Variants in SLC9A8 observed in about 807,000 individuals in gnomAD.
SLC9A8 encodes sodium/hydrogen exchanger 8.
In SLC9A8, 48 loss-of-function variants were observed where a neutral mutation model predicts 66.6. That is an observed-to-expected ratio of 0.72 (90% CI 0.57 to 0.92). The LOEUF (loss-of-function observed/expected upper bound fraction) is 0.92, where lower values mean the gene tolerates loss of function less well. SLC9A8 is among the 40% of genes least tolerant of loss of function. SLC9A8 has a pLI of 0.00. For missense variants in SLC9A8, 599 were observed against 747.3 expected (o/e 0.80, Z 2.31); for synonymous variants, 274 against 282.6 (o/e 0.97, Z 0.31).
intron 3 of SLC9A8, among the ~76,000 whole-genome samples, chr20:49,828,352 G>A (rs900961351): frequency 6.6e-6 from 1 of 151,496 alleles, no homozygotes; most frequent in Admixed American, 6.6e-5. Context: ...AAAATGCTGG[G>A]ATTACAGGCG....
At chr20:49,869,169 T>C (rs1692911957) in intron 10 of SLC9A8, among the ~76,000 whole-genome samples, 1 of 152,148 alleles carries the variant, frequency 6.6e-6, no homozygotes, top group African/African-American at 2.4e-5. Flanking sequence ...GAGGGGACTT[T>C]GGGCTTGAAG....
chr20:49,815,406 A>T (rs1020179757), intron 2 of SLC9A8: 4 of 400,810 alleles, frequency 1.0e-5, no homozygotes, highest in African/African-American at 8.3e-5. Flanking sequence ...AGAGCTGTTG[A>T]TGTAATATCT....
chr20:49,832,290 G>C (rs956942631), intron 3 of SLC9A8, among the ~76,000 whole-genome samples: 5 of 152,174 alleles, frequency 3.3e-5, no homozygotes, highest in African/African-American at 1.2e-4. Context: ...ACTCCAGCCA[G>C]CATCATGGTC....
intron 11 of SLC9A8, among the ~76,000 whole-genome samples, chr20:49,875,217 G>A (rs1313001046): frequency 6.6e-6 from 1 of 151,338 alleles, no homozygotes; most frequent in Non-Finnish European, 1.5e-5. Context: ...CAGCTGCTTG[G>A]GAGACTGAGA....
chr20:49,884,199 GACACACAC>G lies in SLC9A8; in HGVS notation c.1491+168_1491+175del, dbSNP rs370760616. On this transcript the variant is annotated intron_variant, in intron 14 of 15. Transcript: ENST00000361573. ...GGATGCCCAGCACCTCCACACACAC[GACACACAC>G]ACACACACACACACACACACACACA... The G allele has an allele frequency of 6.1e-3, 1,760 of 288,164 alleles. 11 individuals carry two copies. The highest frequency in any genetic ancestry group is 9.2e-3 in the South Asian group (381 of 41,460). The allele number at this position is 288,164 out of a possible 1,614,324, so 17.9% of individuals were successfully genotyped here.
At chr20:49,834,171 CTCTCTCTCTCTCTCTATATATA>C (rs1471327488) in intron 3 of SLC9A8, among the ~76,000 whole-genome samples, 29 of 58,914 alleles carry the variant, frequency 4.9e-4, no homozygotes, top group African/African-American at 1.3e-3. Context: ...CTCTCTCTCT[CTCTCTCTCTCTCTCTATATATA>C]TATATATATA....
rs1353248639 is a variant in SLC9A8 at position 49,872,508 on chromosome 20, CAG to C, written c.959-2194_959-2193del. ...TTTGTTTGTTTGTTTGTTTTTGAGA[CAG>C]AGTCTTGCTCTGTCACCCAGGCTGG... On this transcript the variant is annotated intron_variant, in intron 10 of 15. Coordinates refer to ENST00000361573, the MANE Select transcript of SLC9A8 (RefSeq NM_015266.3). Among the ~76,000 whole-genome samples, 21 of 148,492 alleles carry C rather than the reference CAG, an allele frequency of 1.4e-4. No homozygotes were observed. The East Asian group carries it at 2.8e-3, about 20-fold the overall frequency.
chr20:49,827,368 C>T (rs983397517), intron 3 of SLC9A8, among the ~76,000 whole-genome samples: 2 of 150,908 alleles, frequency 1.3e-5, no homozygotes, highest in South Asian at 2.1e-4. Context: ...TTTGGGAGGC[C>T]GAGGCGGGCA....
chr20:49,836,961 T>C (rs1362891932), intron 3 of SLC9A8, among the ~76,000 whole-genome samples: 1 of 152,230 alleles, frequency 6.6e-6, no homozygotes, highest in Non-Finnish European at 1.5e-5. Flanking sequence ...CCTCCCATTC[T>C]ATTTCTAAAA....
intron 7 of SLC9A8, among the ~76,000 whole-genome samples, chr20:49,853,682 G>A (rs2146629509): frequency 6.6e-6 from 1 of 152,262 alleles, no homozygotes; most frequent in Admixed American, 6.5e-5. Flanking sequence ...CCTTCTGCAA[G>A]TGTCTCTGGG....
intron 14 of SLC9A8, among the ~76,000 whole-genome samples, chr20:49,884,739 G>T (rs1197955344): frequency 6.6e-6 from 1 of 152,120 alleles, no homozygotes; most frequent in Non-Finnish European, 1.5e-5. Context: ...CCCAGCTGTA[G>T]GGAGAGCTGA....
Position 49,863,018 on chromosome 20 carries a change from T to C in SLC9A8, c.803T>C (p.Phe268Ser), listed in dbSNP as rs1378163648. Residue 268 changes from phenylalanine to serine, a missense_variant, in exon 9 of 16, where the codon TTC becomes TCC. Coordinates refer to ENST00000361573, the MANE Select transcript of SLC9A8 (RefSeq NM_015266.3). ...GCCCTTGACTACTTCCTCAAAATGTTCTTTGGCTCTGCAGCGCTCGGCACT... is the reference window on the plus strand; with the variant it reads ...GCCCTTGACTACTTCCTCAAAATGTCCTTTGGCTCTGCAGCGCTCGGCACT... The part of the protein sequence containing the change: ...LQALDYFLKM[F>S]FGSAALGTLT... 1.6e-5 allele frequency: 26 copies of C among 1,614,076 alleles called. No homozygotes were observed. The highest frequency in any genetic ancestry group is 2.1e-5 in the Non-Finnish European group (25 of 1,179,916).
intron 2 of SLC9A8, among the ~76,000 whole-genome samples, chr20:49,820,407 A>G (rs2086691163): frequency 6.6e-6 from 1 of 151,940 alleles, no homozygotes; most frequent in South Asian, 2.1e-4. Context: ...GAGGCACTAG[A>G]ATCATTTGAA....
In SLC9A8 at chr20:49,888,247, A is replaced by ACC; in HGVS notation, c.*317_*318dup. The ACC allele has an allele frequency of 6.6e-6, 2 of 302,176 alleles. No homozygotes were observed. The highest frequency in any genetic ancestry group is 3.0e-5 in the South Asian group (1 of 33,530). 18.7% of individuals were successfully genotyped at this position (302,176 alleles called of 1,614,324 possible). ...AGTCATCTGTGAAGCTAGGGCGCCT[A>ACC]CCCCCCCACCCGGAGGACCCCTGCG... On this transcript the variant is annotated 3_prime_UTR_variant, in exon 16 of 16. Coordinates refer to ENST00000361573, the MANE Select transcript of SLC9A8 (RefSeq NM_015266.3).
intron 6 of SLC9A8, 123 bp downstream of exon 6, chr20:49,849,803 T>A (rs1380965678): frequency 2.7e-6 from 2 of 749,814 alleles, no homozygotes; most frequent in Non-Finnish European, 4.5e-6. Flanking sequence ...GTAAATTCCT[T>A]CTGGAAGGAA....
At chr20:49,822,422 CA>C (rs772388886) in intron 2 of SLC9A8, among the ~76,000 whole-genome samples, 2 of 152,064 alleles carry the variant, frequency 1.3e-5, no homozygotes, top group Admixed American at 6.6e-5. Flanking sequence ...AGTTGAAGAC[CA>C]TTTCTCAGAA....
intron 8 of SLC9A8, among the ~76,000 whole-genome samples, chr20:49,855,936 A>T (rs2088460805): frequency 6.6e-6 from 1 of 151,976 alleles, no homozygotes; most frequent in Admixed American, 6.6e-5. Flanking sequence ...ACTTACAGGC[A>T]CGTGCCATCA....
At chr20:49,821,398 A>G (rs751530562) in intron 2 of SLC9A8, among the ~76,000 whole-genome samples, 4 of 152,230 alleles carry the variant, frequency 2.6e-5, no homozygotes, top group Non-Finnish European at 5.9e-5. Context: ...TCTTGCCATT[A>G]GTATTTAATG....
At position 49,887,841 on chromosome 20, in the gene SLC9A8, G is replaced by T; in HGVS notation, c.1651G>T (p.Gly551Trp). ...TCTCTCGACCCAGGACCTGCACCAC[G>T]GGCGCATCCAGATGAAAACTCTCAC... is the stretch of plus-strand genomic sequence containing the variant. ...RRLTQEDLHH[G>W]RIQMKTLTNK... Residue 551 changes from glycine (G) to tryptophan (W), a missense_variant, in exon 16 of 16, where the codon GGG (glycine) becomes TGG (tryptophan). By Grantham distance (184) the Gly-to-Trp change is radical (BLOSUM62 -2). Coordinates refer to ENST00000361573, the MANE Select transcript of SLC9A8 (RefSeq NM_015266.3). 1 of 1,608,254 alleles carries T rather than the reference G, an allele frequency of 6.2e-7. No individual in the cohort carries two copies. Among genetic ancestry groups the T allele is most frequent in the Non-Finnish European group, 8.5e-7 (1 of 1,176,632 alleles).
Sources: allele counts gnomAD v4.1 joint callset (sites outside exome capture counted in the v4.1 genomes callset), GRCh38; gene constraint gnomAD v4.1.1; transcripts MANE v1.5; gene names NCBI Gene and HGNC (gene_info 2026-07-23, HGNC 2026-07-21).